VPS37A: variants seen among roughly 807,000 people sequenced by gnomAD.
VPS37A encodes vacuolar protein sorting-associated protein 37A.
In VPS37A, 30 loss-of-function variants were observed where a neutral mutation model predicts 49.8. The observed-to-expected ratio is 0.60, with a 90% confidence interval of 0.45 to 0.82. The LOEUF is 0.82. Ranked by LOEUF, VPS37A falls within the 40% of genes least tolerant of loss-of-function variation. The pLI is 0.00. For synonymous variants in VPS37A, 195 were observed against 160.6 expected (o/e 1.21, Z -1.62); for missense variants, 593 against 464.4 (o/e 1.28, Z -2.55).
the VPS37A span, among the ~76,000 whole-genome samples, chr8:17,332,524 G>A: frequency 5.9e-5 from 9 of 152,300 alleles, no homozygotes; most frequent in African/African-American, 1.9e-4. Flanking sequence ...ATGCTCTGAG[G>A]CTTACGATGG....
intron 1 of VPS37A, among the ~76,000 whole-genome samples, chr8:17,256,745 C>G (rs1414270156): frequency 1.3e-5 from 2 of 151,850 alleles, no homozygotes; most frequent in Non-Finnish European, 2.9e-5. Flanking sequence ...CTCCGCCTCC[C>G]GGATTCAAGC....
the VPS37A span, among the ~76,000 whole-genome samples, chr8:17,320,910 A>C: frequency 4.6e-5 from 7 of 152,328 alleles, no homozygotes; most frequent in African/African-American, 1.4e-4. Context: ...TGTTCAACTT[A>C]ATCCTAAAAT....
chr8:17,253,711 CTG>C (rs1186720298), intron 1 of VPS37A, among the ~76,000 whole-genome samples: 22 of 152,134 alleles, frequency 1.4e-4, no homozygotes, highest in Non-Finnish European at 2.8e-4. Context: ...GTGCTTTCTT[CTG>C]TGTTTTCATA....
At position 17,247,163 on chromosome 8, in the gene VPS37A, T is replaced by C; in HGVS notation, c.-82T>C. 6.5e-7 allele frequency: 1 copy of C among 1,541,282 alleles called. No homozygotes were observed. Among genetic ancestry groups the C allele is most frequent in the Non-Finnish European group, 8.7e-7 (1 of 1,143,116 alleles). On this transcript the variant is annotated 5_prime_UTR_variant, in exon 1 of 12. Coordinates refer to ENST00000324849, the MANE Select transcript of VPS37A (RefSeq NM_152415.3). Reference sequence around the variant, plus strand: ...ACGGACGTCCCACCCCGCTCCTCTGTCGCTGGAGAACCGCCGGGCCGAGCC... The same window carrying C: ...ACGGACGTCCCACCCCGCTCCTCTGCCGCTGGAGAACCGCCGGGCCGAGCC...
At chr8:17,275,746 TC>T (rs572687208) in intron 5 of VPS37A, among the ~76,000 whole-genome samples, 1 of 152,216 alleles carries the variant, frequency 6.6e-6, no homozygotes, top group Non-Finnish European at 1.5e-5. Flanking sequence ...TCAGTGAATA[TC>T]ACCCATAGCA....
At chr8:17,254,773 A>G (rs187826712) in intron 1 of VPS37A, among the ~76,000 whole-genome samples, 174 of 152,202 alleles carry the variant, frequency 1.1e-3, no homozygotes, top group Non-Finnish European at 1.8e-3. Context: ...TTGTACTTCT[A>G]TCAAAACATC....
At chr8:17,250,554 A>G (rs772529640) in intron 1 of VPS37A, among the ~76,000 whole-genome samples, 7 of 152,162 alleles carry the variant, frequency 4.6e-5, no homozygotes, top group Non-Finnish European at 8.8e-5. Context: ...ATAGGTGAAT[A>G]TCTTTTTTTG....
the VPS37A span, among the ~76,000 whole-genome samples, chr8:17,323,635 G>A: frequency 6.6e-6 from 1 of 152,098 alleles, no homozygotes; most frequent in East Asian, 1.9e-4. Flanking sequence ...AGCACTTGCA[G>A]CAGAGGCCGC....
the VPS37A span, among the ~76,000 whole-genome samples, chr8:17,324,085 A>G: frequency 1.3e-5 from 2 of 152,230 alleles, no homozygotes; most frequent in East Asian, 1.9e-4. Context: ...AAAACATTCA[A>G]TGTGACTTAC....
chr8:17,271,803 C>G (rs1814018693), intron 4 of VPS37A, among the ~76,000 whole-genome samples: 2 of 152,164 alleles, frequency 1.3e-5, no homozygotes, highest in African/African-American at 4.8e-5. Context: ...TGCCTTGGCT[C>G]TTCCAGAGGT....
intron 11 of VPS37A, among the ~76,000 whole-genome samples, chr8:17,293,973 G>C (rs1816377707): frequency 6.6e-6 from 1 of 152,236 alleles, no homozygotes; most frequent in Admixed American, 6.5e-5. Flanking sequence ...AGCAGAGCTA[G>C]AGCATGGTGC....
chr8:17,320,384 G>A, the VPS37A span, among the ~76,000 whole-genome samples: 2,883 of 152,136 alleles, frequency 0.019, 110 homozygotes, highest in African/African-American at 0.066. Flanking sequence ...ATAGCAAGAC[G>A]GAGGGTGTGG....
intron 1 of VPS37A, among the ~76,000 whole-genome samples, chr8:17,251,894 C>A (rs192887427): frequency 2.6e-5 from 4 of 152,138 alleles, no homozygotes; most frequent in African/African-American, 7.2e-5. Flanking sequence ...AGTTCTCCCC[C>A]ACAGCTGCTA....
At chr8:17,250,642 A>G (rs1811891777) in intron 1 of VPS37A, among the ~76,000 whole-genome samples, 1 of 152,144 alleles carries the variant, frequency 6.6e-6, no homozygotes, top group South Asian at 2.1e-4. Flanking sequence ...TCCAACTCTT[A>G]CAATTTTTAA....
downstream of VPS37A, among the ~76,000 whole-genome samples, chr8:17,307,236 G>C (rs987335265): frequency 1.4e-4 from 21 of 152,160 alleles, no homozygotes; most frequent in Admixed American, 1.3e-3. Context: ...GATATGAAAA[G>C]ACACTTCTCA....
intron 9 of VPS37A, 149 bp downstream of exon 9, chr8:17,280,592 C>T (rs569147500): frequency 1.5e-6 from 1 of 683,308 alleles, no homozygotes; most frequent in East Asian, 2.9e-5. Flanking sequence ...GGATGAACAG[C>T]TCTCAGTGAT....
intron 5 of VPS37A, among the ~76,000 whole-genome samples, chr8:17,275,174 T>C (rs1356030949): frequency 6.6e-6 from 1 of 152,170 alleles, no homozygotes; most frequent in Non-Finnish European, 1.5e-5. Flanking sequence ...AGAGTTTTGG[T>C]AGAGACACAG....
intron 9 of VPS37A, 148 bp downstream of exon 9, chr8:17,280,591 G>T: frequency 1.5e-6 from 1 of 681,588 alleles, no homozygotes; most frequent in Non-Finnish European, 2.4e-6. Context: ...TGGATGAACA[G>T]CTCTCAGTGA....
Position 17,284,336 on chromosome 8 carries a change from A to T in VPS37A, c.970-137A>T, listed in dbSNP as rs552888656. On this transcript the variant is annotated intron_variant, in intron 9 of 11. Coordinates refer to ENST00000324849, the MANE Select transcript of VPS37A (RefSeq NM_152415.3). ...AAGGACCTGGGTGGGGCATTATAAGACAGCAGATTTTCTCAAAAAGAGGCT... is the reference window on the plus strand; with the variant it reads ...AAGGACCTGGGTGGGGCATTATAAGTCAGCAGATTTTCTCAAAAAGAGGCT... The T allele has an allele frequency of 1.2e-5, 12 of 985,694 alleles. No individual in the cohort carries two copies. The Admixed American group carries it at 4.8e-4, about 39-fold the overall frequency. 61.1% of individuals were successfully genotyped at this position (985,694 alleles called of 1,614,324 possible). A position where few individuals can be genotyped will look rare whatever the true frequency, so the allele number is the denominator to read the frequency against.
Sources: gnomAD v4.1 joint callset for allele counts (sites outside exome capture counted in the v4.1 genomes callset) on GRCh38, gnomAD v4.1.1 for gene constraint, MANE v1.5 for transcripts, NCBI Gene and HGNC (gene_info 2026-07-23, HGNC 2026-07-21) for gene names.